The following SFSWAP variants were observed in gnomAD, a reference collection of about 807,000 sequenced individuals.
The protein encoded by SFSWAP is splicing factor SWAP, also known as splicing factor, suppressor of white-apricot homolog.
A neutral mutation model predicts 100.7 loss-of-function variants in SFSWAP; 17 were observed. That is an observed-to-expected ratio of 0.17 (90% confidence interval 0.12 to 0.25). The LOEUF is 0.25. SFSWAP is among the 10% of genes least tolerant of loss of function. SFSWAP has a pLI of 1.00. For synonymous variants in SFSWAP, 504 were observed against 510.1 expected, an observed-to-expected ratio of 0.99 and a Z score of 0.16; for missense variants, 1,005 against 1,262.6, an observed-to-expected ratio of 0.80 and a Z score of 3.09.
rs539484959 is a variant in SFSWAP at position 131,734,235 on chromosome 12, G to A, written c.1081+5807G>A. ...GCTGACGTTGGGCTGGGTGTGGCTC[G>A]TACATAGGACAGGGCCCACACACTG... On this transcript the variant is annotated intron_variant, in intron 7 of 17. Coordinates refer to ENST00000261674, the MANE Select transcript of SFSWAP (RefSeq NM_004592.4). The surrounding 1 kb of genome is among the most constrained non-coding windows in gnomAD (Gnocchi z 4.9). Among the ~76,000 whole-genome samples, 300 of 152,342 alleles carry A rather than the reference G, an allele frequency of 2.0e-3. 1 individual carries two copies. Among genetic ancestry groups the A allele is most frequent in the Non-Finnish European group, 3.3e-3 (225 of 68,024 alleles).
intron 7 of SFSWAP, among the ~76,000 whole-genome samples, chr12:131,729,374 T>C (rs1435853658): frequency 6.6e-6 from 1 of 151,902 alleles, no homozygotes; most frequent in East Asian, 1.9e-4. Context: ...GGCATGGTGG[T>C]GTGCCTGTGG....
rs918760331 is a variant in SFSWAP, at chr12:131,730,774, C to T, written c.1081+2346C>T. ...ACCACCACCCTGGGCACTGACGGCACCCCACCCTATCCTCCCAACTGCAAG... is the reference window on the plus strand; with the variant it reads ...ACCACCACCCTGGGCACTGACGGCATCCCACCCTATCCTCCCAACTGCAAG... On this transcript the variant is annotated intron_variant, in intron 7 of 17. Coordinates refer to ENST00000261674, the MANE Select transcript of SFSWAP (RefSeq NM_004592.4). The surrounding 1 kb of genome is among the most constrained non-coding windows in gnomAD (Gnocchi z 4.0). Among the ~76,000 whole-genome samples, 5 of 152,188 alleles carry T rather than the reference C, an allele frequency of 3.3e-5. No homozygotes were observed. Among genetic ancestry groups the T allele is most frequent in the African/African-American group, 1.2e-4 (5 of 41,448 alleles).
intron 7 of SFSWAP, among the ~76,000 whole-genome samples, chr12:131,750,338 T>C (rs1881508218): frequency 6.6e-6 from 1 of 152,250 alleles, no homozygotes; most frequent in African/African-American, 2.4e-5. Context: ...AGAAGTGTTT[T>C]CATCTCATCA....
intron 7 of SFSWAP, among the ~76,000 whole-genome samples, chr12:131,749,958 T>C (rs188541463): frequency 2.6e-5 from 4 of 152,138 alleles, no homozygotes; most frequent in Admixed American, 2.6e-4. Flanking sequence ...GGAGATAAGC[T>C]GAATAGGGGC....
intron 11 of SFSWAP, chr12:131,757,592 A>C (rs1156562441): frequency 6.5e-6 from 1 of 152,678 alleles, no homozygotes; most frequent in Non-Finnish European, 1.5e-5. Context: ...GCGAGGCGAC[A>C]GCTCTTGGGT....
At chr12:131,761,067 G>A (rs1003253098) in intron 11 of SFSWAP, among the ~76,000 whole-genome samples, 11 of 152,228 alleles carry the variant, frequency 7.2e-5, no homozygotes, top group African/African-American at 2.2e-4. Context: ...GCGAAACTCC[G>A]TCTCAAAGTG....
At chr12:131,741,338 A>T (rs984497945) in intron 7 of SFSWAP, among the ~76,000 whole-genome samples, 1 of 152,108 alleles carries the variant, frequency 6.6e-6, no homozygotes, top group Non-Finnish European at 1.5e-5. Context: ...TCAACCATTT[A>T]AAAATGTAAA....
chr12:131,798,746 C>T (rs545996937), intron 16 of SFSWAP, among the ~76,000 whole-genome samples: 11 of 152,078 alleles, frequency 7.2e-5, no homozygotes, highest in South Asian at 2.1e-4. Context: ...AAAAATTAGC[C>T]GGGCATGGTG....
intron 14 of SFSWAP, chr12:131,785,350 C>G: frequency 1.2e-6 from 1 of 858,558 alleles, no homozygotes; most frequent in Non-Finnish European, 1.8e-6. Context: ...ATGCCGGGGT[C>G]TGAGTGATCC....
intron 14 of SFSWAP, among the ~76,000 whole-genome samples, chr12:131,783,311 ATTAAATT>A (rs1884635383): frequency 6.6e-6 from 1 of 152,244 alleles, no homozygotes; most frequent in African/African-American, 2.4e-5. Flanking sequence ...ACAACCTGAA[ATTAAATT>A]TTAATAAGTA....
intron 4 of SFSWAP, among the ~76,000 whole-genome samples, chr12:131,719,994 G>C (rs994457329): frequency 2.0e-5 from 3 of 152,138 alleles, no homozygotes; most frequent in African/African-American, 7.2e-5. Context: ...GTTGTGATAG[G>C]TCCCTGTGGC....
At chr12:131,779,510 A>G (rs762161377) in intron 14 of SFSWAP, among the ~76,000 whole-genome samples, 1 of 152,218 alleles carries the variant, frequency 6.6e-6, no homozygotes, top group Non-Finnish European at 1.5e-5. Flanking sequence ...TGGCTGACCT[A>G]CAGGAGGTTG....
intron 4 of SFSWAP, among the ~76,000 whole-genome samples, chr12:131,723,717 C>T (rs1407550907): frequency 6.6e-6 from 1 of 152,146 alleles, no homozygotes; most frequent in Non-Finnish European, 1.5e-5. Context: ...GGAAACCGTG[C>T]ATTTGTGTGG....
rs568535229 is a variant in SFSWAP at position 131,716,167 on chromosome 12, G to A, written c.520+1214G>A. On this transcript the variant is annotated intron_variant, in intron 3 of 17. Coordinates refer to ENST00000261674, the MANE Select transcript of SFSWAP (RefSeq NM_004592.4). ...AGGACGTGGGGCAAACGCACACACC[G>A]GCTTTCCTTTTGCCCTGTCTTTAGT... is the stretch of plus-strand genomic sequence containing the variant. Among the ~76,000 whole-genome samples the A allele has an allele frequency of 2.6e-5, 4 of 152,310 alleles. No individual in the cohort carries two copies. In the South Asian group the frequency reaches 6.2e-4, roughly 24 times the overall value.
Position 131,794,500 on chromosome 12 carries a change from G to A in SFSWAP, c.2535-2678G>A, listed in dbSNP as rs997717570. ...TACAGTGAGCAGGGATTATGCCCCT[G>A]CACTCCAGTTTGGGCAACAGAGGGA... On this transcript the variant is annotated intron_variant, in intron 15 of 17. Coordinates refer to ENST00000261674, the MANE Select transcript of SFSWAP (RefSeq NM_004592.4). The surrounding 1 kb of genome is among the most constrained non-coding windows in gnomAD (Gnocchi z 4.8). 3.3e-5 allele frequency among the ~76,000 whole-genome samples: 5 copies of A among 152,182 alleles called. No individual in the cohort carries two copies. Among genetic ancestry groups the A allele is most frequent in the Non-Finnish European group, 7.3e-5 (5 of 68,040 alleles).
Position 131,778,395 on chromosome 12 carries a change from A to C in SFSWAP, c.2408+65A>C. 6.4e-7 allele frequency: 1 copy of C among 1,567,422 alleles called. No individual in the cohort carries two copies. Among genetic ancestry groups the C allele is most frequent in the Non-Finnish European group, 8.6e-7 (1 of 1,159,166 alleles). On this transcript the variant is annotated intron_variant, in intron 14 of 17. Transcript: ENST00000261674. The surrounding 1 kb of genome is among the most constrained non-coding windows in gnomAD (Gnocchi z 4.2). ...CCCCCATGTCCTTCACAGGACACCC[A>C]GTAGAGCTAGGTAGAACGTTTAAAA... is the stretch of plus-strand genomic sequence containing the variant.
intron 7 of SFSWAP, among the ~76,000 whole-genome samples, chr12:131,748,150 T>C (rs1881307021): frequency 6.6e-6 from 1 of 152,196 alleles, no homozygotes; most frequent in African/African-American, 2.4e-5. Context: ...TAACATTTCT[T>C]ATTAAAATAG....
intron 3 of SFSWAP, among the ~76,000 whole-genome samples, chr12:131,718,807 G>A: frequency 6.6e-6 from 1 of 152,194 alleles, no homozygotes; most frequent in East Asian, 1.9e-4. Context: ...CATGGATTGA[G>A]CACCTGCTAA....
intron 4 of SFSWAP, among the ~76,000 whole-genome samples, chr12:131,722,462 G>T (rs900779187): frequency 6.6e-5 from 10 of 152,160 alleles, no homozygotes; most frequent in African/African-American, 2.2e-4. Flanking sequence ...CTGTTAGGGC[G>T]CAGTTCCAAG....
Sources: allele counts gnomAD v4.1 joint callset (sites outside exome capture counted in the v4.1 genomes callset), GRCh38; gene constraint gnomAD v4.1.1; non-coding constraint Gnocchi (gnomAD v3.1); transcripts MANE v1.5; gene names NCBI Gene and HGNC (gene_info 2026-07-23, HGNC 2026-07-21).